HSPA12A: variants seen among roughly 807,000 people sequenced by gnomAD.
HSPA12A encodes the protein heat shock protein family A (Hsp70) member 12A, also known as heat shock 70 kDa protein 12A.
Under a neutral mutation model 69.2 loss-of-function variants are expected in HSPA12A, and 28 were observed. The ratio of observed to expected loss-of-function variants is 0.40; its 90% CI spans 0.30 to 0.55. HSPA12A has a LOEUF of 0.55. Ranked by LOEUF, HSPA12A falls within the 20% of genes least tolerant of loss-of-function variation. The probability of loss-of-function intolerance (pLI) is 0.38; values close to 1 mark genes in which losing one functional copy is unlikely to be tolerated. For synonymous variants in HSPA12A, 345 were observed against 370.5 expected, an observed-to-expected ratio of 0.93 and a Z score of 0.79; for missense variants, 686 against 900.7, an observed-to-expected ratio of 0.76 and a Z score of 3.05.
intron 1 of HSPA12A, among the ~76,000 whole-genome samples, chr10:116,732,897 T>C (rs1554886010): frequency 6.6e-6 from 1 of 152,128 alleles, no homozygotes; most frequent in Non-Finnish European, 1.5e-5. Context: ...ATTCTGAGCC[T>C]GGCTTTGCCT....
chr10:116,706,549 T>C (rs549027731), intron 2 of HSPA12A, among the ~76,000 whole-genome samples: 5 of 152,298 alleles, frequency 3.3e-5, no homozygotes, highest in African/African-American at 1.2e-4. Context: ...TCTTTGTGCG[T>C]CTGCACAGCT....
At chr10:116,792,106 G>A (rs1844711351) in intron 2 of HSPA12A, among the ~76,000 whole-genome samples, 3 of 151,484 alleles carry the variant, frequency 2.0e-5, no homozygotes, top group Admixed American at 2.0e-4. Flanking sequence ...ACACTTTCAG[G>A]TCTCAGACAC....
intron 2 of HSPA12A, among the ~76,000 whole-genome samples, chr10:116,799,888 C>T (rs545722810): frequency 2.0e-5 from 3 of 151,994 alleles, no homozygotes; most frequent in East Asian, 3.9e-4. Context: ...GGTAATAATA[C>T]AGCAGTGAAC....
rs115258350 is a variant in HSPA12A, at chr10:116,785,858, G to A, written c.91+49077C>T. Among the ~76,000 whole-genome samples the A allele has an allele frequency of 6.3e-3, 962 of 151,822 alleles. 8 individuals carry two copies. Among genetic ancestry groups the A allele is most frequent in the African/African-American group, 0.022 (894 of 41,372 alleles). On this transcript the variant is annotated intron_variant, in intron 2 of 12. Coordinates refer to the HSPA12A transcript ENST00000635765. ...CCTCCTGCCCCACTGCCCTAATACC[G>A]CAAGATTCCTCCTATTTCCCCCCCT...
chr10:116,694,639 C>T (rs1326673210), intron 5 of HSPA12A, among the ~76,000 whole-genome samples: 1 of 152,118 alleles, frequency 6.6e-6, no homozygotes, highest in Non-Finnish European at 1.5e-5. Flanking sequence ...AAATTTTGCC[C>T]CCGAGCCCCT....
intron 1 of HSPA12A, among the ~76,000 whole-genome samples, chr10:116,736,797 C>A (rs1564802273): frequency 6.6e-6 from 1 of 152,112 alleles, no homozygotes; most frequent in South Asian, 2.1e-4. Context: ...CCCAGGGAGA[C>A]CCATTTTGGA....
At chr10:116,829,778 AG>A (rs1845579076) in intron 2 of HSPA12A, 1 of 152,238 alleles carries the variant, frequency 6.6e-6, no homozygotes. Context: ...ACAGCATAAC[AG>A]AATCCAAAGG....
At chr10:116,699,623 G>C (rs1850022000) in intron 4 of HSPA12A, among the ~76,000 whole-genome samples, 1 of 152,134 alleles carries the variant, frequency 6.6e-6, no homozygotes, top group South Asian at 2.1e-4. Flanking sequence ...TGACCTATCT[G>C]CACTTGCTCA....
rs74956262 is a variant in HSPA12A, at chr10:116,719,284, C to T, written c.41-11999G>A. Among the ~76,000 whole-genome samples the T allele has an allele frequency of 7.9e-5, 12 of 152,278 alleles. No individual in the cohort carries two copies. The East Asian group carries it at 2.1e-3, about 27-fold the overall frequency. On this transcript the variant is annotated intron_variant, in intron 1 of 11. Transcript: ENST00000369209. Reference sequence around the variant, plus strand: ...TGACTGATGGGACATGAGAGGAAGTCGGCCTGGGGCTTCTGGGAGGAAACA... The same window carrying T: ...TGACTGATGGGACATGAGAGGAAGTTGGCCTGGGGCTTCTGGGAGGAAACA...
intron 2 of HSPA12A, among the ~76,000 whole-genome samples, chr10:116,800,427 C>T (rs1054031681): frequency 6.6e-6 from 1 of 152,144 alleles, no homozygotes; most frequent in Non-Finnish European, 1.5e-5. Flanking sequence ...CTTCAGTCAT[C>T]CCCTGCTCCT....
chr10:116,687,304 A>G (rs1400759014), intron 6 of HSPA12A, among the ~76,000 whole-genome samples: 7 of 152,206 alleles, frequency 4.6e-5, no homozygotes, highest in Admixed American at 3.3e-4. Flanking sequence ...GAAGGTGAAG[A>G]GGACCCCACT....
chr10:116,820,244 C>A (rs547633560), intron 2 of HSPA12A, among the ~76,000 whole-genome samples: 175 of 152,278 alleles, frequency 1.1e-3, no homozygotes, highest in Non-Finnish European at 2.3e-3. Context: ...AAATAAGAGA[C>A]AAACATCTTG....
At chr10:116,697,875 C>T (rs1476458154) in intron 5 of HSPA12A, among the ~76,000 whole-genome samples, 2 of 152,196 alleles carry the variant, frequency 1.3e-5, no homozygotes, top group Non-Finnish European at 2.9e-5. Context: ...TCTCTGCTTT[C>T]TGTTTCTGTG....
At chr10:116,760,983 G>T (rs538604302) in intron 2 of HSPA12A, among the ~76,000 whole-genome samples, 1 of 151,984 alleles carries the variant, frequency 6.6e-6, no homozygotes, top group South Asian at 2.1e-4. Context: ...CTAGATGTAC[G>T]TGGGGAAAAG....
chr10:116,836,344 A>G (rs1433756629), intron 1 of HSPA12A, among the ~76,000 whole-genome samples: 1 of 152,072 alleles, frequency 6.6e-6, no homozygotes, highest in African/African-American at 2.4e-5. Flanking sequence ...TGGTGGAGGG[A>G]GCATAGTCAT....
chr10:116,736,212 T>C (rs1006367983), intron 1 of HSPA12A, among the ~76,000 whole-genome samples: 8 of 152,086 alleles, frequency 5.3e-5, no homozygotes, highest in Non-Finnish European at 7.4e-5. Context: ...GCCCTAAAAG[T>C]AACAATGTCT....
chr10:116,730,302 C>G (rs1851109889), intron 1 of HSPA12A, among the ~76,000 whole-genome samples: 1 of 152,144 alleles, frequency 6.6e-6, no homozygotes, highest in Admixed American at 6.5e-5. Context: ...GTGCTGTGAC[C>G]CATACTTTTG....
exon 1 of HSPA12A, chr10:116,849,651 G>A (rs1488549039): frequency 6.5e-7 from 1 of 1,550,266 alleles, no homozygotes; most frequent in East Asian, 2.4e-5. Context: ...GTACTACCGG[G>A]AGAACGACGT....
At chr10:116,716,448 G>C (rs1246468823) in intron 1 of HSPA12A, among the ~76,000 whole-genome samples, 1 of 151,954 alleles carries the variant, frequency 6.6e-6, no homozygotes, top group Non-Finnish European at 1.5e-5. Context: ...GTGTGTGTTG[G>C]GGGGTGGGGT....
Sources: gnomAD v4.1 joint callset for allele counts (sites outside exome capture counted in the v4.1 genomes callset) on GRCh38, gnomAD v4.1.1 for gene constraint, MANE v1.5 for transcripts, NCBI Gene and HGNC (gene_info 2026-07-23, HGNC 2026-07-21) for gene names.